The following ULK4 variants were observed in gnomAD, a reference collection of about 807,000 sequenced individuals.
The protein encoded by ULK4 is inactive serine/threonine-protein kinase ULK4.
Under a neutral mutation model 160.6 loss-of-function variants are expected in ULK4, and 133 were observed. The observed-to-expected ratio is 0.83, with a 90% CI of 0.72 to 0.96. ULK4 has a LOEUF of 0.96. ULK4 is among the 40% of genes least tolerant of loss of function. The probability of loss-of-function intolerance (pLI) is 0.00; values close to 1 mark genes in which losing one functional copy is unlikely to be tolerated. For missense variants in ULK4, 1,580 were observed against 1,499.5 expected (o/e 1.05, Z -0.89); for synonymous variants, 534 against 539.8 (o/e 0.99, Z 0.15).
intron 18 of ULK4, among the ~76,000 whole-genome samples, chr3:41,833,536 T>C (rs1338502873): frequency 6.6e-6 from 1 of 152,106 alleles, no homozygotes; most frequent in African/African-American, 2.4e-5. Context: ...GACCTCATGA[T>C]CCACCTGCCT....
intron 30 of ULK4, among the ~76,000 whole-genome samples, chr3:41,627,126 A>C (rs941904528): frequency 2.6e-5 from 4 of 152,224 alleles, no homozygotes; most frequent in Non-Finnish European, 5.9e-5. Flanking sequence ...CCTCAAGGCC[A>C]TGTAGGGATG....
At chr3:41,873,647 G>A (rs146522215) in intron 17 of ULK4, among the ~76,000 whole-genome samples, 124 of 152,196 alleles carry the variant, frequency 8.1e-4, no homozygotes, top group Middle Eastern at 3.4e-3. Flanking sequence ...TCTGCCTCCC[G>A]GGTTCAAGCG....
chr3:41,583,259 A>C (rs1444171101), intron 31 of ULK4, among the ~76,000 whole-genome samples: 1 of 152,226 alleles, frequency 6.6e-6, no homozygotes, highest in East Asian at 1.9e-4. Flanking sequence ...ATGTTCCATT[A>C]AACATGCTCT....
At chr3:41,425,041 A>C (rs551576354) in intron 34 of ULK4, among the ~76,000 whole-genome samples, 6 of 152,136 alleles carry the variant, frequency 3.9e-5, no homozygotes, top group South Asian at 2.1e-4. Flanking sequence ...AGAAGCTAAG[A>C]ATCATGATAA....
intron 34 of ULK4, among the ~76,000 whole-genome samples, chr3:41,444,508 GTATAAA>G (rs917599269): frequency 2.6e-5 from 4 of 152,086 alleles, no homozygotes; most frequent in African/African-American, 9.7e-5. Context: ...TCAGTGAGAT[GTATAAA>G]TATAATGTTA....
At chr3:41,399,635 A>G (rs938358825) in intron 34 of ULK4, among the ~76,000 whole-genome samples, 7 of 152,192 alleles carry the variant, frequency 4.6e-5, no homozygotes, top group African/African-American at 1.2e-4. Flanking sequence ...GTGCAGTGGT[A>G]TAAACATAGC....
At chr3:41,430,760 A>T (rs1173510657) in intron 34 of ULK4, among the ~76,000 whole-genome samples, 1 of 152,208 alleles carries the variant, frequency 6.6e-6, no homozygotes, top group Non-Finnish European at 1.5e-5. Context: ...GCCAAACATC[A>T]TTATCAAAAC....
chr3:41,824,242 T>C (rs6599180), intron 18 of ULK4, among the ~76,000 whole-genome samples: 151,597 of 151,618 alleles, frequency 1, 75,788 homozygotes, highest in Non-Finnish European at 1. Context: ...GCATGAGCGA[T>C]GCAGACGATG....
chr3:41,906,093 T>C (rs1432179518), intron 12 of ULK4, among the ~76,000 whole-genome samples: 2 of 151,376 alleles, frequency 1.3e-5, no homozygotes, highest in Non-Finnish European at 2.9e-5. Context: ...GGCAGGCGCC[T>C]GTAGTCCCAG....
intron 32 of ULK4, among the ~76,000 whole-genome samples, chr3:41,494,358 G>A (rs372184272): frequency 7.6e-6 from 1 of 130,902 alleles, no homozygotes; most frequent in East Asian, 2.0e-4. Context: ...ATGCAGAAAA[G>A]GCCTTTGACA....
chr3:41,942,938 G>A (rs1157806928), intron 2 of ULK4, among the ~76,000 whole-genome samples: 1 of 152,082 alleles, frequency 6.6e-6, no homozygotes, highest in African/African-American at 2.4e-5. Flanking sequence ...GTTAGGCTGG[G>A]CACGGTGGCT....
intron 35 of ULK4, among the ~76,000 whole-genome samples, chr3:41,264,543 G>A (rs2078996777): frequency 6.6e-6 from 1 of 152,158 alleles, no homozygotes; most frequent in South Asian, 2.1e-4. Flanking sequence ...GTCCCATTCT[G>A]AGCAAACAGG....
At chr3:41,350,111 C>T (rs112027110) in intron 35 of ULK4, among the ~76,000 whole-genome samples, 2,323 of 152,146 alleles carry the variant, frequency 0.015, 29 homozygotes, top group Non-Finnish European at 0.023. Flanking sequence ...ACTTGCTATT[C>T]GTTATATTTA....
At chr3:41,932,972 AG>A (rs1293779545) in intron 4 of ULK4, among the ~76,000 whole-genome samples, 1 of 152,224 alleles carries the variant, frequency 6.6e-6, no homozygotes, top group Non-Finnish European at 1.5e-5. Flanking sequence ...TGAACCTGGG[AG>A]GCAGAGGTTG....
chr3:41,705,522 G>C (rs537892973), intron 25 of ULK4, among the ~76,000 whole-genome samples: 1 of 150,714 alleles, frequency 6.6e-6, no homozygotes, highest in African/African-American at 2.4e-5. Context: ...TTGAGACAGC[G>C]TTTTGTTCTT....
At chr3:41,638,014 C>A (rs1179542804) in intron 30 of ULK4, among the ~76,000 whole-genome samples, 2 of 152,100 alleles carry the variant, frequency 1.3e-5, no homozygotes, top group African/African-American at 4.8e-5. Context: ...GTTTCCTTGG[C>A]TGTGCAGAAG....
chr3:41,575,503 G>C (rs1168291430), intron 31 of ULK4, among the ~76,000 whole-genome samples: 1 of 152,208 alleles, frequency 6.6e-6, no homozygotes, highest in Admixed American at 6.5e-5. Flanking sequence ...TGGAGGTATA[G>C]ATTTAAGCCC....
intron 25 of ULK4, among the ~76,000 whole-genome samples, chr3:41,706,900 T>TAGAGAGAGAG (rs1553637616): frequency 7.0e-4 from 95 of 136,430 alleles, no homozygotes; most frequent in African/African-American, 2.6e-3. Flanking sequence ...TATATATATA[T>TAGAGAGAGAG]AGAGAGAGAG....
intron 32 of ULK4, among the ~76,000 whole-genome samples, chr3:41,467,806 G>A (rs906810881): frequency 6.6e-6 from 1 of 152,192 alleles, no homozygotes; most frequent in Non-Finnish European, 1.5e-5. Context: ...TTATTTCTAG[G>A]AGAGGGGAAG....
Sources: gnomAD v4.1 joint callset for allele counts (sites outside exome capture counted in the v4.1 genomes callset) on GRCh38, gnomAD v4.1.1 for gene constraint, MANE v1.5 for transcripts, NCBI Gene and HGNC (gene_info 2026-07-23, HGNC 2026-07-21) for gene names.